Variants in TRUB1 observed in about 807,000 individuals in gnomAD.
TRUB1 encodes pseudouridylate synthase TRUB1.
A neutral mutation model predicts 33.9 loss-of-function variants in TRUB1; 23 were observed. The observed-to-expected ratio is 0.68, with a 90% CI of 0.49 to 0.96. The LOEUF (loss-of-function observed/expected upper bound fraction) is 0.96, where lower values mean the gene tolerates loss of function less well. Among genes scored for constraint, TRUB1 ranks in the 40% least tolerant of loss-of-function variants. TRUB1 has a pLI of 0.00. For synonymous variants in TRUB1, 163 were observed against 165.4 expected, an observed-to-expected ratio of 0.99 and a Z score of 0.11; for missense variants, 378 against 422.2, an observed-to-expected ratio of 0.90 and a Z score of 0.92.
chr10:114,962,743 T>C (rs2084289632), intron 4 of TRUB1, among the ~76,000 whole-genome samples: 1 of 152,196 alleles, frequency 6.6e-6, no homozygotes, highest in Non-Finnish European at 1.5e-5. Context: ...CAGATAGTCA[T>C]GCAGGTGTAT....
intron 2 of TRUB1, among the ~76,000 whole-genome samples, chr10:114,945,964 C>A (rs1427663260): frequency 1.3e-5 from 2 of 152,136 alleles, no homozygotes; most frequent in African/African-American, 4.8e-5. Context: ...ATTAATTTTT[C>A]TTTTAATGCA....
At chr10:114,950,930 A>G (rs564923303) in intron 2 of TRUB1, among the ~76,000 whole-genome samples, 164 bp from the exon 3 acceptor site, 15 of 152,362 alleles carry the variant, frequency 9.8e-5, no homozygotes, top group Admixed American at 9.1e-4. Flanking sequence ...TTGCATGACA[A>G]GTTCAACTGT....
intron 6 of TRUB1, 85 bp downstream of exon 6, chr10:114,972,359 C>A: frequency 2.9e-6 from 4 of 1,390,218 alleles, no homozygotes; most frequent in South Asian, 1.4e-5. Context: ...TTAATAGATC[C>A]GTAGGATGTT....
chr10:114,972,910 T>G (rs908316708), intron 6 of TRUB1, among the ~76,000 whole-genome samples: 2 of 152,294 alleles, frequency 1.3e-5, no homozygotes, highest in Admixed American at 6.5e-5. Flanking sequence ...TTTGGAAATT[T>G]TATGATCTGG....
intron 2 of TRUB1, among the ~76,000 whole-genome samples, chr10:114,944,874 A>G (rs1447850181): frequency 6.6e-6 from 1 of 152,130 alleles, no homozygotes; most frequent in Non-Finnish European, 1.5e-5. Context: ...AGTCCCAGCT[A>G]CTTGGGAGGC....
intron 3 of TRUB1, among the ~76,000 whole-genome samples, chr10:114,953,249 T>A (rs1323626547): frequency 6.6e-6 from 1 of 152,214 alleles, no homozygotes; most frequent in Non-Finnish European, 1.5e-5. Context: ...TACAGTGAAA[T>A]CACTGATCCT....
At chr10:114,958,456 A>G (rs1023672153) in intron 3 of TRUB1, among the ~76,000 whole-genome samples, 74 of 152,200 alleles carry the variant, frequency 4.9e-4, no homozygotes, top group African/African-American at 1.7e-3. Flanking sequence ...ATGTCTGCAT[A>G]CTTACAAGGT....
At chr10:114,973,564 G>A (rs7078359) in intron 6 of TRUB1, among the ~76,000 whole-genome samples, 9,014 of 152,148 alleles carry the variant, frequency 0.059, 898 homozygotes, top group African/African-American at 0.2. Flanking sequence ...AGTAAGACTC[G>A]AAGCAGCTAG....
At chr10:114,958,505 C>T (rs1040216058) in intron 3 of TRUB1, among the ~76,000 whole-genome samples, 1 of 152,056 alleles carries the variant, frequency 6.6e-6, no homozygotes, top group African/African-American at 2.4e-5. Flanking sequence ...TGTCTTGGGT[C>T]CCTTCACTAG....
chr10:114,962,857 T>C (rs2084290110), intron 4 of TRUB1, among the ~76,000 whole-genome samples: 1 of 152,114 alleles, frequency 6.6e-6, no homozygotes, highest in South Asian at 2.1e-4. Context: ...AGAGTTTGAA[T>C]CAAAAAAGAT....
rs530205033 is a variant in TRUB1 at position 114,976,637 on chromosome 10, G to T, written c.*1258G>T. ...CTTTTTAAAGGTGTTTTCCTGCTTT[G>T]TAGTCTCTAACTCTGAAATTTAAAA... On this transcript the variant is annotated 3_prime_UTR_variant, in exon 8 of 8. Coordinates refer to ENST00000298746, the MANE Select transcript of TRUB1 (RefSeq NM_139169.5). 2.0e-5 allele frequency: 3 copies of T among 152,138 alleles called. No individual in the cohort carries two copies. Among genetic ancestry groups the T allele is most frequent in the African/African-American group, 7.2e-5 (3 of 41,534 alleles). The allele number at this position is 152,138 out of a possible 1,614,324, so 9.4% of individuals were successfully genotyped here. A position where few individuals can be genotyped will look rare whatever the true frequency, so the allele number is the denominator to read the frequency against.
At chr10:114,966,848 T>C in intron 4 of TRUB1, among the ~76,000 whole-genome samples, 1 of 152,210 alleles carries the variant, frequency 6.6e-6, no homozygotes, top group East Asian at 1.9e-4. Context: ...GTGTTTTGCA[T>C]AGATTTTATA....
At chr10:114,947,322 A>T (rs1341295390) in intron 2 of TRUB1, among the ~76,000 whole-genome samples, 1 of 147,892 alleles carries the variant, frequency 6.8e-6, no homozygotes, top group Non-Finnish European at 1.5e-5. Context: ...ACTATGTGAT[A>T]AAAAGTTTGT....
intron 4 of TRUB1, among the ~76,000 whole-genome samples, chr10:114,968,343 G>A (rs2084319866): frequency 6.6e-6 from 1 of 152,168 alleles, no homozygotes; most frequent in Non-Finnish European, 1.5e-5. Flanking sequence ...TCAGTAGAGA[G>A]ACCAGCGTAG....
intron 3 of TRUB1, 130 bp from the exon 4 acceptor site, chr10:114,959,596 G>A (rs969282849): frequency 4.5e-6 from 3 of 669,812 alleles, no homozygotes; most frequent in Admixed American, 2.8e-5. Flanking sequence ...AACAATTGCA[G>A]TCTGTTGTTT....
chr10:114,952,443 CAATA>C (rs2084240164), intron 3 of TRUB1, among the ~76,000 whole-genome samples: 1 of 152,036 alleles, frequency 6.6e-6, no homozygotes, highest in South Asian at 2.1e-4. Context: ...GACTCCATCT[CAATA>C]AATAATAAGT....
At chr10:114,963,164 G>A (rs779186784) in intron 4 of TRUB1, among the ~76,000 whole-genome samples, 67 of 152,318 alleles carry the variant, frequency 4.4e-4, no homozygotes, top group Non-Finnish European at 3.4e-4. Flanking sequence ...AAGGTAGAAA[G>A]AAAAGTGGAA....
In TRUB1 at chr10:114,975,132, C is replaced by G; in HGVS notation, c.803C>G (p.Ser268Cys). The G allele has an allele frequency of 6.2e-7, 1 of 1,609,448 alleles. No individual in the cohort carries two copies. The highest frequency in any genetic ancestry group is 1.1e-5 in the South Asian group (1 of 90,040). The change falls in exon 8 of 8, where the codon TCC (serine) becomes TGC (cysteine). Residue 268 changes from serine to cysteine, a missense_variant. Coordinates refer to ENST00000298746, the MANE Select transcript of TRUB1 (RefSeq NM_139169.5). ...CCTTTTGTTGCCATAGAACTATCTTCCTGTGCCAATGTGCTAGAGCTGACC... is the reference window on the plus strand; with the variant it reads ...CCTTTTGTTGCCATAGAACTATCTTGCTGTGCCAATGTGCTAGAGCTGACC... Reference protein sequence around the residue: ...LVSDIGKELSSCANVLELTRT... With the variant: ...LVSDIGKELSCCANVLELTRT...
chr10:114,959,362 G>T (rs1399171745), intron 3 of TRUB1, among the ~76,000 whole-genome samples: 1 of 152,118 alleles, frequency 6.6e-6, no homozygotes, highest in African/African-American at 2.4e-5. Flanking sequence ...TGGAGTCAAG[G>T]CTATTGTACC....
Sources: allele counts gnomAD v4.1 joint callset (sites outside exome capture counted in the v4.1 genomes callset), GRCh38; gene constraint gnomAD v4.1.1; transcripts MANE v1.5; gene names NCBI Gene and HGNC (gene_info 2026-07-23, HGNC 2026-07-21).